IL1RAPL1: variants seen among roughly 807,000 people sequenced by gnomAD.
IL1RAPL1 encodes the protein interleukin 1 receptor accessory protein like 1.
IL1RAPL1 carries 3 observed loss-of-function variants against 48.4 expected under a neutral mutation model. The ratio of observed to expected loss-of-function variants is 0.06; its 90% CI spans 0.03 to 0.16. The LOEUF is 0.16. Among genes scored for constraint, IL1RAPL1 ranks in the 10% least tolerant of loss-of-function variants. The pLI, the probability that IL1RAPL1 is intolerant of heterozygous loss-of-function variation, is 1.00. For missense variants in IL1RAPL1, 349 were observed against 530.6 expected, an observed-to-expected ratio of 0.66 and a Z score of 3.36; for synonymous variants, 185 against 187.7, an observed-to-expected ratio of 0.99 and a Z score of 0.12.
At chrX:29,353,151 T>C (rs1257095105) in intron 3 of IL1RAPL1, among the ~76,000 whole-genome samples, 1 of 112,088 alleles carries the variant, frequency 8.9e-6, no homozygotes, top group African/African-American at 3.2e-5. Context: ...CAGGAATGAA[T>C]GCATGTCTTA....
chrX:29,527,600 C>G (rs751617020), intron 5 of IL1RAPL1, among the ~76,000 whole-genome samples: 6 of 110,330 alleles, frequency 5.4e-5, no homozygotes, highest in Non-Finnish European at 1.1e-4. Context: ...GCTGGGATTA[C>G]AGGCGTGAGC....
intron 6 of IL1RAPL1, among the ~76,000 whole-genome samples, chrX:29,808,074 G>A (rs909505101): frequency 1.8e-5 from 2 of 111,694 alleles, no homozygotes; most frequent in African/African-American, 6.5e-5. Flanking sequence ...GGGAATCTTA[G>A]GTTTAATAAT....
At chrX:29,168,591 ATATT>A (rs1429378840) in intron 2 of IL1RAPL1, among the ~76,000 whole-genome samples, 2 of 90,003 alleles carry the variant, frequency 2.2e-5, no homozygotes, top group Non-Finnish European at 4.5e-5. Flanking sequence ...TTGTATATAT[ATATT>A]CATATATACA....
intron 2 of IL1RAPL1, among the ~76,000 whole-genome samples, chrX:29,079,872 G>A (rs1927762087): frequency 9.0e-6 from 1 of 111,102 alleles, no homozygotes; most frequent in African/African-American, 3.3e-5. Context: ...CTTAGAGCAT[G>A]TTCAGTAAAG....
intron 5 of IL1RAPL1, among the ~76,000 whole-genome samples, chrX:29,623,156 C>CTA (rs1189511429): frequency 9.3e-5 from 10 of 107,404 alleles, no homozygotes; most frequent in African/African-American, 3.4e-4. Context: ...GTGGCGGGCA[C>CTA]CTGTAGTCCC....
intron 6 of IL1RAPL1, among the ~76,000 whole-genome samples, chrX:29,761,395 C>T (rs1453139269): frequency 9.0e-6 from 1 of 111,423 alleles, no homozygotes; most frequent in East Asian, 2.8e-4. Context: ...GTAAAGAAAA[C>T]AATTTGGGAG....
At chrX:29,295,143 A>G (rs1256104038) in intron 3 of IL1RAPL1, among the ~76,000 whole-genome samples, 1 of 112,086 alleles carries the variant, frequency 8.9e-6, no homozygotes, top group African/African-American at 3.2e-5. Context: ...AAAAAAATCC[A>G]TGAGAGATGA....
intron 3 of IL1RAPL1, among the ~76,000 whole-genome samples, chrX:29,307,495 T>C (rs1932643236): frequency 9.0e-6 from 1 of 111,342 alleles, no homozygotes; most frequent in Non-Finnish European, 1.9e-5. Flanking sequence ...TGAAAAGCCA[T>C]AACAGCAGAG....
intron 2 of IL1RAPL1, among the ~76,000 whole-genome samples, chrX:28,879,176 G>A (rs644618): frequency 0.4 from 43,693 of 110,099 alleles, 6,266 homozygotes; most frequent in Middle Eastern, 0.59. Flanking sequence ...CAGACAGTTT[G>A]ACAATTAACC....
intron 2 of IL1RAPL1, among the ~76,000 whole-genome samples, chrX:28,874,585 T>G (rs1479117137): frequency 8.9e-6 from 1 of 112,318 alleles, no homozygotes; most frequent in African/African-American, 3.2e-5. Flanking sequence ...GAGAACCATA[T>G]GTTTGGTGTG....
chrX:29,341,005 C>A lies in IL1RAPL1; in HGVS notation c.363-55253C>A, dbSNP rs1416158391. ...TGGGTTTATCATAATTCTGAATTAA[C>A]CTATGTAAGAGAATATTCAAATGTC... On this transcript the variant is annotated intron_variant, in intron 3 of 10. Transcript: ENST00000378993. Among the ~76,000 whole-genome samples the A allele has an allele frequency of 1.9e-4, 21 of 112,074 alleles. No individual in the cohort carries two copies. In the Admixed American group the frequency reaches 2.0e-3, roughly 11 times the overall value.
At position 29,751,922 on chromosome X, in the gene IL1RAPL1, A is replaced by T. The variant is rs915061597; in HGVS notation, c.778+83418A>T. ...GCTCCAGCCTGGACAACAGAGTGAGACCTTGTCTCTCAAAAAAACATGAAA... is the reference window on the plus strand; with the variant it reads ...GCTCCAGCCTGGACAACAGAGTGAGTCCTTGTCTCTCAAAAAAACATGAAA... On this transcript the variant is annotated intron_variant, in intron 6 of 10. Coordinates refer to ENST00000378993, the MANE Select transcript of IL1RAPL1 (RefSeq NM_014271.4). Among the ~76,000 whole-genome samples, 6 of 106,483 alleles carry T rather than the reference A, an allele frequency of 5.6e-5. No individual in the cohort carries two copies. In the South Asian group the frequency reaches 2.5e-3, roughly 44 times the overall value. The allele number at this position is 106,483 out of a possible 115,157, so 92.5% of individuals were successfully genotyped here. A position where few individuals can be genotyped will look rare whatever the true frequency, so the allele number is the denominator to read the frequency against.
chrX:28,946,524 G>C (rs777029139), intron 2 of IL1RAPL1, among the ~76,000 whole-genome samples: 1 of 111,099 alleles, frequency 9.0e-6, no homozygotes, highest in South Asian at 3.8e-4. Context: ...CCACTCCAGA[G>C]ACTGCCTGGT....
At chrX:29,348,625 G>A (rs1350883534) in intron 3 of IL1RAPL1, among the ~76,000 whole-genome samples, 1 of 111,547 alleles carries the variant, frequency 9.0e-6, no homozygotes, top group Non-Finnish European at 1.9e-5. Flanking sequence ...CTGCTTTCCT[G>A]CTTGGATGAC....
intron 6 of IL1RAPL1, among the ~76,000 whole-genome samples, chrX:29,677,635 C>T (rs145899522): frequency 6.1e-4 from 68 of 111,468 alleles, no homozygotes; most frequent in Non-Finnish European, 1.2e-3. Flanking sequence ...CAAGTTGCAT[C>T]TCCAACTGAT....
chrX:28,636,113 T>G (rs760321572), intron 1 of IL1RAPL1, among the ~76,000 whole-genome samples: 3 of 112,232 alleles, frequency 2.7e-5, no homozygotes, highest in East Asian at 5.6e-4. Flanking sequence ...TTGACCAACT[T>G]ATGTTTAGAT....
intron 5 of IL1RAPL1, among the ~76,000 whole-genome samples, chrX:29,492,904 C>T (rs945220383): frequency 1.9e-4 from 21 of 111,583 alleles, no homozygotes; most frequent in African/African-American, 6.5e-4. Context: ...ATTAGTTAGG[C>T]TTATGAAGTC....
At chrX:29,871,883 C>T (rs1330585253) in intron 6 of IL1RAPL1, among the ~76,000 whole-genome samples, 1 of 110,368 alleles carries the variant, frequency 9.1e-6, no homozygotes, top group African/African-American at 3.3e-5. Context: ...ACCACCACGC[C>T]GGGCTAATTT....
At chrX:29,171,253 G>T (rs1232804922) in intron 2 of IL1RAPL1, among the ~76,000 whole-genome samples, 1 of 111,842 alleles carries the variant, frequency 8.9e-6, no homozygotes, top group East Asian at 2.8e-4. Flanking sequence ...CTCCCAAAGT[G>T]CTGGGATTAC....
Sources: allele counts gnomAD v4.1 joint callset (sites outside exome capture counted in the v4.1 genomes callset), GRCh38; gene constraint gnomAD v4.1.1; transcripts MANE v1.5; gene names NCBI Gene and HGNC (gene_info 2026-07-23, HGNC 2026-07-21).